Variants in ELAVL1 observed in about 807,000 individuals in gnomAD.
The protein encoded by ELAVL1 is ELAV-like protein 1.
A neutral mutation model predicts 28.4 loss-of-function variants in ELAVL1; 1 was observed. The ratio of observed to expected loss-of-function variants is 0.04; its 90% CI spans 0.01 to 0.17. The LOEUF is 0.17. Among genes scored for constraint, ELAVL1 ranks in the 10% least tolerant of loss-of-function variants. The pLI, the probability that ELAVL1 is intolerant of heterozygous loss-of-function variation, is 1.00. For missense variants in ELAVL1, 157 were observed against 447.2 expected, an observed-to-expected ratio of 0.35 and a Z score of 5.85; for synonymous variants, 174 against 183.5, an observed-to-expected ratio of 0.95 and a Z score of 0.42.
intron 1 of ELAVL1, among the ~76,000 whole-genome samples, chr19:7,994,572 A>G (rs368760294): frequency 1.4e-4 from 22 of 152,356 alleles, no homozygotes; most frequent in African/African-American, 5.0e-4. Context: ...ACTGAACTTC[A>G]TCTTCGTGAA....
intron 1 of ELAVL1, among the ~76,000 whole-genome samples, chr19:8,003,763 T>C (rs983139339): frequency 2.6e-5 from 4 of 151,574 alleles, no homozygotes; most frequent in Admixed American, 2.0e-4. Flanking sequence ...CTCTGTCTGC[T>C]CAAAACCAAT....
chr19:7,970,679 G>T (rs1005381359), intron 4 of ELAVL1, among the ~76,000 whole-genome samples: 1 of 152,138 alleles, frequency 6.6e-6, no homozygotes, highest in African/African-American at 2.4e-5. Context: ...ATATAGAAGC[G>T]AAGGAATACA....
At chr19:7,987,510 C>T (rs974435220) in intron 2 of ELAVL1, among the ~76,000 whole-genome samples, 1 of 152,158 alleles carries the variant, frequency 6.6e-6, no homozygotes, top group Non-Finnish European at 1.5e-5. Flanking sequence ...AACATAGGGA[C>T]CAGGGCCAGG....
chr19:7,999,395 C>T (rs999310747), intron 1 of ELAVL1, among the ~76,000 whole-genome samples: 4 of 152,106 alleles, frequency 2.6e-5, no homozygotes, highest in African/African-American at 9.7e-5. Context: ...TAAAAGGCCA[C>T]CTTCCCCCAG....
chr19:8,001,436 T>G (rs527290519), intron 1 of ELAVL1, among the ~76,000 whole-genome samples: 2 of 152,126 alleles, frequency 1.3e-5, no homozygotes, highest in Non-Finnish European at 2.9e-5. Context: ...TGTCACCTCC[T>G]GCTAGACCGA....
At position 7,975,681 on chromosome 19, in the gene ELAVL1, G is replaced by A. The variant is rs185877765; in HGVS notation, c.277-1803C>T. ...ACCCCACAATCCAAATTCATATGCCGAAGTCCTAACCCCTTGGGACCTCAA... is the reference window on the plus strand; with the variant it reads ...ACCCCACAATCCAAATTCATATGCCAAAGTCCTAACCCCTTGGGACCTCAA... On this transcript the variant is annotated intron_variant, in intron 3 of 5. Coordinates refer to ENST00000407627, the MANE Select transcript of ELAVL1 (RefSeq NM_001419.3). Among the ~76,000 whole-genome samples, 28 of 152,302 alleles carry A rather than the reference G, an allele frequency of 1.8e-4. No individual in the cohort carries two copies. The East Asian group carries it at 4.2e-3, about 23-fold the overall frequency.
rs114071257 is a variant in ELAVL1 at position 7,982,812 on chromosome 19, G to A, written c.173-1626C>T. On this transcript the variant is annotated intron_variant, in intron 2 of 5. Coordinates refer to ENST00000407627, the MANE Select transcript of ELAVL1 (RefSeq NM_001419.3). The surrounding 1 kb of genome is among the most constrained non-coding windows in gnomAD (Gnocchi z 4.3). The stretch of plus-strand genomic sequence containing the variant: ...CGACTATGACAGTTTCTTGTTTCTC[G>A]TGACTGTGACGGTTTTGAGGACTGG... Among the ~76,000 whole-genome samples the A allele has an allele frequency of 5.1e-3, 776 of 152,250 alleles. 6 individuals carry two copies. The highest frequency in any genetic ancestry group is 0.017 in the African/African-American group (712 of 41,536).
chr19:7,999,147 C>T (rs955493687), intron 1 of ELAVL1, among the ~76,000 whole-genome samples: 1 of 152,194 alleles, frequency 6.6e-6, no homozygotes, highest in Non-Finnish European at 1.5e-5. Context: ...CCGAGGTAGG[C>T]GGATCACCTG....
rs1229625730 is a variant in ELAVL1 at position 7,976,840 on chromosome 19, A to T, written c.277-2962T>A. ...CGTTGATCATGACCTGACACGCTAC[A>T]TTTTTTTTTTTTTTTTTTAGTTTTT... On this transcript the variant is annotated intron_variant, in intron 3 of 5. Transcript: ENST00000407627. Among the ~76,000 whole-genome samples, 64 of 132,956 alleles carry T rather than the reference A, an allele frequency of 4.8e-4. 1 individual carries two copies. The South Asian group carries it at 9.9e-3, about 21-fold the overall frequency. 87.2% of individuals were successfully genotyped at this position (132,956 alleles called of 152,430 possible).
At chr19:7,970,606 G>A (rs1455626533) in intron 4 of ELAVL1, among the ~76,000 whole-genome samples, 2 of 152,096 alleles carry the variant, frequency 1.3e-5, no homozygotes, top group East Asian at 3.9e-4. Context: ...GAATTTAACA[G>A]CAGAGTCCAA....
intron 2 of ELAVL1, among the ~76,000 whole-genome samples, chr19:7,986,059 A>G (rs1985593178): frequency 6.6e-6 from 1 of 152,086 alleles, no homozygotes; most frequent in African/African-American, 2.4e-5. Flanking sequence ...TTCCAAACAC[A>G]TTTCTCCCTC....
rs1242629820 is a variant in ELAVL1 at position 7,962,032 on chromosome 19, G to T, written c.*1451C>A. On this transcript the variant is annotated 3_prime_UTR_variant, in exon 6 of 6. Transcript: ENST00000407627. ...ATAAACGCCAGATCCCAGTCCTGAG[G>T]AGTTTTGGGTGATCTGGCCCTGCCT... 1 of 153,576 alleles carries T rather than the reference G, an allele frequency of 6.5e-6. No individual in the cohort carries two copies. The highest frequency in any genetic ancestry group is 1.5e-5 in the Non-Finnish European group (1 of 68,042). The allele number at this position is 153,576 out of a possible 1,614,324, so 9.5% of individuals were successfully genotyped here.
At position 7,963,383 on chromosome 19, in the gene ELAVL1, C is replaced by CTT. The variant is rs1984864968; in HGVS notation, c.*98_*99dup. 7.2e-7 allele frequency: 1 copy of CTT among 1,381,924 alleles called. No homozygotes were observed. The highest frequency in any genetic ancestry group is 1.4e-5 in the African/African-American group (1 of 69,018). The allele number at this position is 1,381,924 out of a possible 1,614,324, so 85.6% of individuals were successfully genotyped here. Reference sequence around the variant, plus strand: ...CTTCTCATTCAGACAAAGACAAACACTTGTGAAAATTGGCGCAAAATGAGT... The same window carrying CTT: ...CTTCTCATTCAGACAAAGACAAACACTTTTGTGAAAATTGGCGCAAAATGAGT... On this transcript the variant is annotated 3_prime_UTR_variant, in exon 6 of 6. Coordinates refer to ENST00000407627, the MANE Select transcript of ELAVL1 (RefSeq NM_001419.3). The surrounding 1 kb of genome is among the most constrained non-coding windows in gnomAD (Gnocchi z 4.5).
chr19:7,967,578 C>A lies in ELAVL1; in HGVS notation c.643G>T (p.Ala215Ser). 6.2e-7 allele frequency: 1 copy of A among 1,613,900 alleles called. No individual in the cohort carries two copies. Among genetic ancestry groups the A allele is most frequent in the Non-Finnish European group, 8.5e-7 (1 of 1,179,916 alleles). ...CTCCCGACCCACCTGAATCTCTGCG[C>A]CTGGTGGTGAACGGGGCCTCCGAAC... ...RRFGGPVHHQAQRFRFSPMGV... is the reference protein window; with the variant it reads ...RRFGGPVHHQSQRFRFSPMGV... Residue 215 changes from alanine to serine, a missense_variant, in exon 5 of 6, where the codon GCG becomes TCG. By Grantham distance (99) the Ala-to-Ser change is moderately conservative. Transcript: ENST00000407627.
intron 1 of ELAVL1, among the ~76,000 whole-genome samples, chr19:7,998,082 A>G (rs150934660): frequency 6.6e-6 from 1 of 152,304 alleles, no homozygotes; most frequent in East Asian, 1.9e-4. Flanking sequence ...GTTCTTGGTC[A>G]ACTAGTAACA....
rs2081068045 is a variant in ELAVL1, at chr19:8,001,604, CCT to C, written c.-17+3889_-17+3890del. On this transcript the variant is annotated intron_variant, in intron 1 of 5. Coordinates refer to ENST00000407627, the MANE Select transcript of ELAVL1 (RefSeq NM_001419.3). ...TGTTCCCTCTCCTGTGATTCCTTCC[CCT>C]GACATAAACGTCTCACTCTTAAAAA... Among the ~76,000 whole-genome samples the C allele has an allele frequency of 3.9e-5, 6 of 152,154 alleles. No individual in the cohort carries two copies. The South Asian group carries it at 8.3e-4, about 21-fold the overall frequency.
chr19:7,975,741 G>A (rs1985264179), intron 3 of ELAVL1, among the ~76,000 whole-genome samples: 1 of 152,220 alleles, frequency 6.6e-6, no homozygotes, highest in South Asian at 2.1e-4. Context: ...CATTGCGGAT[G>A]TAATCAGTTA....
chr19:7,966,702 C>T (rs1984963896), intron 5 of ELAVL1, among the ~76,000 whole-genome samples: 1 of 152,172 alleles, frequency 6.6e-6, no homozygotes, highest in Non-Finnish European at 1.5e-5. Flanking sequence ...TCACTGCAGC[C>T]TCCACCTCCT....
At position 7,999,797 on chromosome 19, in the gene ELAVL1, AG is replaced by A. The variant is rs1373241896; in HGVS notation, c.-17+5697del. Among the ~76,000 whole-genome samples the A allele has an allele frequency of 3.7e-4, 56 of 151,918 alleles. 1 individual carries two copies. Among genetic ancestry groups the A allele is most frequent in the African/African-American group, 1.2e-3 (50 of 41,346 alleles). ...CTAAGCTTTTTTATGTTTTGCAGAGAGGGGGGTCTTGCTTTGTCACCCAGGC... is the reference window on the plus strand; with the variant it reads ...CTAAGCTTTTTTATGTTTTGCAGAGAGGGGGTCTTGCTTTGTCACCCAGGC... On this transcript the variant is annotated intron_variant, in intron 1 of 5. Coordinates refer to ENST00000407627, the MANE Select transcript of ELAVL1 (RefSeq NM_001419.3).
Sources: allele counts gnomAD v4.1 joint callset (sites outside exome capture counted in the v4.1 genomes callset), GRCh38; gene constraint gnomAD v4.1.1; non-coding constraint Gnocchi (gnomAD v3.1); transcripts MANE v1.5; gene names NCBI Gene and HGNC (gene_info 2026-07-23, HGNC 2026-07-21).